Variants in CIT observed in about 807,000 individuals in gnomAD.
CIT encodes the protein citron rho-interacting serine/threonine kinase.
CIT carries 79 observed loss-of-function variants against 272.7 expected under a neutral mutation model. The ratio of observed to expected loss-of-function variants is 0.29; its 90% CI spans 0.24 to 0.35. CIT has a LOEUF of 0.35. Ranked by LOEUF, CIT falls within the 10% of genes least tolerant of loss-of-function variation. The pLI is 1.00. For synonymous variants in CIT, 948 were observed against 995.6 expected (o/e 0.95, Z 0.90); for missense variants, 1,909 against 2,618.3 (o/e 0.73, Z 5.91).
At chr12:119,812,737 T>C (rs1046267295) in intron 9 of CIT, among the ~76,000 whole-genome samples, 21 of 139,038 alleles carry the variant, frequency 1.5e-4, no homozygotes, top group African/African-American at 5.3e-4. Flanking sequence ...TGAAAAGATT[T>C]ATTCTTAATT....
intron 9 of CIT, among the ~76,000 whole-genome samples, chr12:119,814,744 A>C (rs1156873927): frequency 1.3e-5 from 2 of 152,174 alleles, no homozygotes; most frequent in African/African-American, 4.8e-5. Context: ...ATACACAAAC[A>C]AGATGAACTT....
intron 18 of CIT, among the ~76,000 whole-genome samples, chr12:119,769,095 T>C (rs1485636085): frequency 6.6e-6 from 1 of 151,990 alleles, no homozygotes; most frequent in Non-Finnish European, 1.5e-5. Flanking sequence ...TTTTTTCCAG[T>C]TTCGGTCTTC....
intron 40 of CIT, 56 bp from the exon 41 acceptor site, chr12:119,704,511 G>T: frequency 1.4e-6 from 2 of 1,469,378 alleles, no homozygotes; most frequent in Non-Finnish European, 9.5e-7. Flanking sequence ...CCGGCTGTGG[G>T]GCAAAACTAG....
chr12:119,794,696 C>G (rs566427044), intron 10 of CIT, among the ~76,000 whole-genome samples: 2 of 152,340 alleles, frequency 1.3e-5, no homozygotes, highest in South Asian at 2.1e-4. Context: ...TCAGGCCCCC[C>G]ACGTGGAGCT....
At chr12:119,757,299 G>A in intron 22 of CIT, 72 bp downstream of exon 22, 4 of 1,564,540 alleles carry the variant, frequency 2.6e-6, no homozygotes, top group Non-Finnish European at 2.6e-6. Flanking sequence ...ATTGATTTGT[G>A]CTCGAAAGCT....
At chr12:119,861,386 G>A (rs528305266) in intron 3 of CIT, among the ~76,000 whole-genome samples, 3 of 152,244 alleles carry the variant, frequency 2.0e-5, no homozygotes, top group Non-Finnish European at 4.4e-5. Flanking sequence ...AAGAGTTCAA[G>A]ACCAGCCTGA....
In CIT at chr12:119,708,335, A is replaced by C. The variant is rs1956982932; in HGVS notation, c.5072-17T>G. 1.3e-6 allele frequency: 2 copies of C among 1,565,806 alleles called. No homozygotes were observed. Among genetic ancestry groups the C allele is most frequent in the East Asian group, 4.8e-5 (2 of 42,082 alleles). ...GCTCTTCTCCTGAACAGGAAAAGGA[A>C]CAACCTCTCGTCAGTGTGAAGCCGT... On this transcript the variant is annotated splice_polypyrimidine_tract_variant and intron_variant, in intron 39 of 47. Transcript: ENST00000392521.
At position 119,711,163 on chromosome 12, in the gene CIT, C is replaced by G. The variant is rs1285879474; in HGVS notation, c.4855-543G>C. The G allele has an allele frequency of 7.2e-6, 9 of 1,248,104 alleles. No individual in the cohort carries two copies. In the African/African-American group the frequency reaches 1.2e-4, roughly 17 times the overall value. 77.3% of individuals were successfully genotyped at this position (1,248,104 alleles called of 1,614,324 possible). ...TGAAACGACCAACAAGTCATCCAAA[C>G]AGGTCTAACCACTGAGTAAAGCCCT... On this transcript the variant is annotated intron_variant, in intron 37 of 47. Transcript: ENST00000392521.
At chr12:119,797,543 G>A (rs949591785) in intron 10 of CIT, among the ~76,000 whole-genome samples, 22 of 152,234 alleles carry the variant, frequency 1.4e-4, no homozygotes, top group African/African-American at 5.3e-4. Flanking sequence ...ACCATGGGCA[G>A]AAGCTAGTTA....
chr12:119,859,701 G>A (rs1457498650), intron 3 of CIT, among the ~76,000 whole-genome samples: 1 of 151,984 alleles, frequency 6.6e-6, no homozygotes, highest in Non-Finnish European at 1.5e-5. Flanking sequence ...TTTAATCTCA[G>A]CTGCTCGGGA....
At position 119,856,299 on chromosome 12, in the gene CIT, G is replaced by A. The variant is rs1292649672; in HGVS notation, c.414+1224C>T. 3.9e-5 allele frequency among the ~76,000 whole-genome samples: 6 copies of A among 152,262 alleles called. No individual in the cohort carries two copies. The East Asian group carries it at 9.6e-4, about 24-fold the overall frequency. On this transcript the variant is annotated intron_variant, in intron 4 of 47. Transcript: ENST00000392521. ...GGGGAGGTATTGTATAATGGATAGAGAGTTTCTGTTTGGGATGATAGAAAA... is the reference window on the plus strand; with the variant it reads ...GGGGAGGTATTGTATAATGGATAGAAAGTTTCTGTTTGGGATGATAGAAAA...
At chr12:119,730,303 C>T (rs76448212) in intron 27 of CIT, among the ~76,000 whole-genome samples, 192 bp downstream of exon 27, 1 of 152,012 alleles carries the variant, frequency 6.6e-6, no homozygotes, top group African/African-American at 2.4e-5. Flanking sequence ...GGGTACCCAC[C>T]GCACCCACCC....
At chr12:119,711,652 C>T (rs916627766) in intron 37 of CIT, among the ~76,000 whole-genome samples, 5 of 152,064 alleles carry the variant, frequency 3.3e-5, no homozygotes, top group African/African-American at 1.2e-4. Flanking sequence ...CCGATTCCCC[C>T]ATTCTTTTTC....
chr12:119,771,755 G>C (rs749300641), intron 17 of CIT, among the ~76,000 whole-genome samples: 3 of 152,190 alleles, frequency 2.0e-5, no homozygotes, highest in African/African-American at 7.2e-5. Flanking sequence ...AAAGGGCTTG[G>C]ACTACAAGGA....
chr12:119,870,959 A>C (rs1950656956), intron 2 of CIT, among the ~76,000 whole-genome samples: 1 of 152,028 alleles, frequency 6.6e-6, no homozygotes, highest in Non-Finnish European at 1.5e-5. Flanking sequence ...TCTCTACTAA[A>C]AATGCAAACA....
At chr12:119,814,634 C>T (rs1481987440) in intron 9 of CIT, among the ~76,000 whole-genome samples, 1 of 152,162 alleles carries the variant, frequency 6.6e-6, no homozygotes, top group Non-Finnish European at 1.5e-5. Context: ...TATCTATGAT[C>T]CTCATGGAAC....
At chr12:119,858,274 T>G (rs1441783317) in intron 3 of CIT, among the ~76,000 whole-genome samples, 1 of 152,160 alleles carries the variant, frequency 6.6e-6, no homozygotes, top group East Asian at 1.9e-4. Context: ...CCCAACACTT[T>G]GGGAGGCCTA....
At chr12:119,734,056 G>T in intron 26 of CIT, 108 bp downstream of exon 26, 1 of 1,253,358 alleles carries the variant, frequency 8.0e-7, no homozygotes, top group Non-Finnish European at 1.1e-6. Context: ...TTGTGACCCA[G>T]GAAACTTCTC....
chr12:119,773,871 G>C (rs1963463924), intron 16 of CIT, among the ~76,000 whole-genome samples: 1 of 152,212 alleles, frequency 6.6e-6, no homozygotes, highest in African/African-American at 2.4e-5. Flanking sequence ...GCTAAAGAGG[G>C]CCATGAGAGC....
Sources: allele counts gnomAD v4.1 joint callset (sites outside exome capture counted in the v4.1 genomes callset), GRCh38; gene constraint gnomAD v4.1.1; transcripts MANE v1.5; gene names NCBI Gene and HGNC (gene_info 2026-07-23, HGNC 2026-07-21).